PRKG1: variants seen among roughly 807,000 people sequenced by gnomAD.
PRKG1 encodes the protein protein kinase cGMP-dependent 1.
A neutral mutation model predicts 88.1 loss-of-function variants in PRKG1; 35 were observed. The ratio of observed to expected loss-of-function variants is 0.40; its 90% CI spans 0.30 to 0.53. The LOEUF (loss-of-function observed/expected upper bound fraction) is 0.53. Ranked by LOEUF, PRKG1 falls within the 20% of genes least tolerant of loss-of-function variation. The probability of loss-of-function intolerance (pLI) is 0.59; values close to 1 mark genes in which losing one functional copy is unlikely to be tolerated. For synonymous variants in PRKG1, 303 were observed against 292.5 expected (o/e 1.04, Z -0.37); for missense variants, 540 against 839.8 (o/e 0.64, Z 4.41).
intron 2 of PRKG1, among the ~76,000 whole-genome samples, chr10:51,345,530 T>A (rs1842093798): frequency 6.6e-6 from 1 of 152,110 alleles, no homozygotes; most frequent in Admixed American, 6.6e-5. Flanking sequence ...ATGTAACTTC[T>A]ACTAGGCTAC....
intron 2 of PRKG1, among the ~76,000 whole-genome samples, chr10:51,407,229 C>T (rs1251102619): frequency 6.6e-6 from 1 of 152,184 alleles, no homozygotes; most frequent in Non-Finnish European, 1.5e-5. Flanking sequence ...TTAACCATCA[C>T]AAGTCCACCC....
At chr10:51,400,490 A>G (rs1300027067) in intron 2 of PRKG1, among the ~76,000 whole-genome samples, 1 of 152,208 alleles carries the variant, frequency 6.6e-6, no homozygotes, top group Non-Finnish European at 1.5e-5. Context: ...GGAAGTCAAT[A>G]CAAGTTCAAA....
chr10:51,525,521 A>G (rs1458651892), intron 3 of PRKG1, among the ~76,000 whole-genome samples: 1 of 152,032 alleles, frequency 6.6e-6, no homozygotes, highest in Non-Finnish European at 1.5e-5. Context: ...ACATGGTGAA[A>G]CCTTGTCTCT....
chr10:51,015,207 G>A (rs1166418968), intron 1 of PRKG1, among the ~76,000 whole-genome samples: 7 of 152,176 alleles, frequency 4.6e-5, no homozygotes, highest in Non-Finnish European at 5.9e-5. Context: ...AATTGTGAAA[G>A]AATGTCCAGA....
At position 52,224,836 on chromosome 10, in the gene PRKG1, T is replaced by TATAC. The variant is rs1168693557; in HGVS notation, c.1077-26718_1077-26715dup. On this transcript the variant is annotated intron_variant, in intron 9 of 17. Transcript: ENST00000373980. ...ATATATATATATATATATATATATA[T>TATAC]ATACATACATACATACATATCTCAC... 2.0e-3 allele frequency among the ~76,000 whole-genome samples: 175 copies of TATAC among 88,684 alleles called. 3 individuals carry two copies. Among genetic ancestry groups the TATAC allele is most frequent in the South Asian group, 8.2e-3 (18 of 2,206 alleles). The allele number at this position is 88,684 out of a possible 152,430, so 58.2% of individuals were successfully genotyped here. A position where few individuals can be genotyped will look rare whatever the true frequency, so the allele number is the denominator to read the frequency against.
intron 5 of PRKG1, among the ~76,000 whole-genome samples, chr10:52,049,872 C>G (rs1480067031): frequency 6.6e-6 from 1 of 151,954 alleles, no homozygotes; most frequent in Non-Finnish European, 1.5e-5. Context: ...GTGTGGTGAA[C>G]AGAACTAGAC....
chr10:52,154,811 C>T (rs1163143699), intron 8 of PRKG1, among the ~76,000 whole-genome samples: 1 of 152,120 alleles, frequency 6.6e-6, no homozygotes, highest in Non-Finnish European at 1.5e-5. Flanking sequence ...CCCTTCTCCC[C>T]TGAGTCCCCA....
intron 1 of PRKG1, among the ~76,000 whole-genome samples, chr10:51,100,580 A>G (rs1467292857): frequency 2.6e-5 from 4 of 152,222 alleles, no homozygotes; most frequent in Non-Finnish European, 4.4e-5. Context: ...GCCAATAAGC[A>G]TAGCCCATAG....
chr10:51,323,111 CTTCCATT>C (rs986571615), intron 2 of PRKG1, among the ~76,000 whole-genome samples: 1 of 152,166 alleles, frequency 6.6e-6, no homozygotes, highest in African/African-American at 2.4e-5. Context: ...AAATAAGCCA[CTTCCATT>C]TTCACAAAGA....
intron 2 of PRKG1, among the ~76,000 whole-genome samples, chr10:51,397,402 C>A (rs559907011): frequency 6.6e-6 from 1 of 152,124 alleles, no homozygotes; most frequent in East Asian, 1.9e-4. Context: ...CATACATGTA[C>A]ATGTGGAATT....
intron 3 of PRKG1, among the ~76,000 whole-genome samples, chr10:51,662,201 A>C (rs1840317132): frequency 6.6e-6 from 1 of 152,172 alleles, no homozygotes; most frequent in Non-Finnish European, 1.5e-5. Context: ...CGTTGTTAAC[A>C]TGTACCCTAG....
intron 5 of PRKG1, among the ~76,000 whole-genome samples, chr10:51,962,090 G>T (rs1036279958): frequency 6.6e-6 from 1 of 152,160 alleles, no homozygotes; most frequent in Non-Finnish European, 1.5e-5. Context: ...GCAAGTTAAA[G>T]GCTTGAAAGC....
At chr10:51,773,795 G>C (rs77092542) in intron 3 of PRKG1, among the ~76,000 whole-genome samples, 3,719 of 151,924 alleles carry the variant, frequency 0.024, 144 homozygotes, top group African/African-American at 0.081. Context: ...TACATTTGAT[G>C]CTTTAAGGCT....
intron 5 of PRKG1, among the ~76,000 whole-genome samples, chr10:51,957,501 C>T (rs528656474): frequency 7.2e-5 from 11 of 151,982 alleles, no homozygotes; most frequent in Non-Finnish European, 1.6e-4. Context: ...CTATGCTGCC[C>T]AGACTTGTCT....
chr10:51,389,556 T>C (rs1460456971), intron 2 of PRKG1, among the ~76,000 whole-genome samples: 1 of 152,146 alleles, frequency 6.6e-6, no homozygotes, highest in East Asian at 1.9e-4. Flanking sequence ...CAGACAGCTC[T>C]AGGTTTGCAC....
At chr10:52,006,402 G>A (rs559220507) in intron 5 of PRKG1, among the ~76,000 whole-genome samples, 1 of 152,134 alleles carries the variant, frequency 6.6e-6, no homozygotes, top group East Asian at 1.9e-4. Context: ...AATGATACAG[G>A]AGCTGATATA....
chr10:51,808,055 A>G (rs1190289077), intron 4 of PRKG1, among the ~76,000 whole-genome samples: 2 of 152,152 alleles, frequency 1.3e-5, no homozygotes, highest in African/African-American at 4.8e-5. Context: ...TTTCAAGGCT[A>G]TTAAGAGATG....
intron 3 of PRKG1, among the ~76,000 whole-genome samples, chr10:51,524,024 T>C (rs1328278429): frequency 2.6e-5 from 4 of 152,122 alleles, no homozygotes; most frequent in Admixed American, 2.0e-4. Flanking sequence ...GTTCTCGTGA[T>C]AGTGAGTTCT....
chr10:52,180,839 G>T (rs1839004703), intron 9 of PRKG1, among the ~76,000 whole-genome samples: 2 of 152,090 alleles, frequency 1.3e-5, no homozygotes, highest in Admixed American at 6.5e-5. Context: ...CTGGCTGGGG[G>T]CATGGGTGCA....
Sources: gnomAD v4.1 joint callset for allele counts (sites outside exome capture counted in the v4.1 genomes callset) on GRCh38, gnomAD v4.1.1 for gene constraint, MANE v1.5 for transcripts, NCBI Gene and HGNC (gene_info 2026-07-23, HGNC 2026-07-21) for gene names.